The following HFM1 variants were observed in gnomAD, a reference collection of about 807,000 sequenced individuals.
HFM1 encodes probable ATP-dependent DNA helicase HFM1.
Under a neutral mutation model 192.1 loss-of-function variants are expected in HFM1, and 169 were observed. That is an observed-to-expected ratio of 0.88 (90% CI 0.78 to 1.00). HFM1 has a LOEUF of 1.00. HFM1 is among the 50% of genes least tolerant of loss of function. The probability of loss-of-function intolerance (pLI) is 0.00; values close to 1 mark genes in which losing one functional copy is unlikely to be tolerated. For missense variants in HFM1, 1,661 were observed against 1,668.0 expected (o/e 1.00, Z 0.07); for synonymous variants, 525 against 537.8 (o/e 0.98, Z 0.33).
upstream of HFM1, among the ~76,000 whole-genome samples, chr1:91,405,238 T>C (rs61523263): frequency 9.6e-3 from 1,469 of 152,294 alleles, 19 homozygotes; most frequent in African/African-American, 0.033. Context: ...GGGAACTTGA[T>C]TCAGAAATAA....
chr1:91,322,825 A>T (rs148682770), intron 23 of HFM1, 125 bp downstream of exon 23: 108 of 486,394 alleles, frequency 2.2e-4, no homozygotes, highest in African/African-American at 2.0e-3. Flanking sequence ...GAGAGTTGTA[A>T]GAAATTAATT....
chr1:91,366,797 A>G (rs1426396816), intron 13 of HFM1, among the ~76,000 whole-genome samples: 1 of 152,230 alleles, frequency 6.6e-6, no homozygotes, highest in Non-Finnish European at 1.5e-5. Flanking sequence ...CTTGAGCTGA[A>G]GCAGGGCGAG....
intron 26 of HFM1, 102 bp downstream of exon 26, chr1:91,316,289 A>C: frequency 1.0e-6 from 1 of 993,774 alleles, no homozygotes; most frequent in Non-Finnish European, 1.5e-6. Flanking sequence ...ACCCAAAAGT[A>C]AGTTGAAATA....
intron 13 of HFM1, among the ~76,000 whole-genome samples, chr1:91,374,112 T>C (rs1428393618): frequency 6.6e-6 from 1 of 152,104 alleles, no homozygotes; most frequent in African/African-American, 2.4e-5. Context: ...TGAAAACCAT[T>C]CCAGTAAAAG....
At chr1:91,369,687 A>C (rs1659896388) in intron 13 of HFM1, among the ~76,000 whole-genome samples, 1 of 152,206 alleles carries the variant, frequency 6.6e-6, no homozygotes, top group Non-Finnish European at 1.5e-5. Context: ...AGAACTAGGG[A>C]AGCAAGAGCA....
At chr1:91,381,038 T>TA (rs5776097) in intron 6 of HFM1, 56 bp from the exon 7 acceptor site, 803,000 of 803,262 alleles carry the variant, frequency 1, 401,369 homozygotes, top group East Asian at 1. Flanking sequence ...TAGTTACTTT[T>TA]ATTTTAAAAC....
intron 36 of HFM1, 29 bp downstream of exon 36, chr1:91,265,988 A>C: frequency 3.2e-6 from 5 of 1,585,428 alleles, no homozygotes; most frequent in Non-Finnish European, 4.3e-6. Context: ...AAAGTTGCAA[A>C]TATTACAAAC....
chr1:91,313,785 T>C (rs1650820011), intron 29 of HFM1, among the ~76,000 whole-genome samples, 172 bp downstream of exon 29: 1 of 152,072 alleles, frequency 6.6e-6, no homozygotes, highest in South Asian at 2.1e-4. Context: ...CCATGTTATG[T>C]TTTACATATC....
chr1:91,370,972 G>C (rs1408898800), intron 13 of HFM1, among the ~76,000 whole-genome samples: 2 of 151,790 alleles, frequency 1.3e-5, no homozygotes, highest in South Asian at 2.1e-4. Flanking sequence ...GCCAAATCAT[G>C]AGTGAACTCC....
intron 30 of HFM1, among the ~76,000 whole-genome samples, chr1:91,306,976 T>C (rs1333604610): frequency 6.6e-6 from 1 of 152,196 alleles, no homozygotes; most frequent in African/African-American, 2.4e-5. Flanking sequence ...ATTATAAAAT[T>C]GTTAATGTCT....
At chr1:91,315,585 G>A (rs1372725921) in intron 28 of HFM1, among the ~76,000 whole-genome samples, 1 of 152,282 alleles carries the variant, frequency 6.6e-6, no homozygotes, top group Non-Finnish European at 1.5e-5. Context: ...AGATCATGGT[G>A]ATAGATTTTA....
chr1:91,380,806 G>T (rs1661463687), intron 7 of HFM1, 106 bp downstream of exon 7: 4 of 676,924 alleles, frequency 5.9e-6, no homozygotes, highest in Non-Finnish European at 1.1e-5. Flanking sequence ...TAGACATGGA[G>T]TGTGGCAGTG....
intron 30 of HFM1, among the ~76,000 whole-genome samples, chr1:91,281,058 T>A (rs1461963720): frequency 6.6e-6 from 1 of 152,156 alleles, no homozygotes; most frequent in Non-Finnish European, 1.5e-5. Flanking sequence ...CACAATCAGA[T>A]CTGCATTGTG....
At chr1:91,287,384 C>A (rs12129120) in intron 30 of HFM1, among the ~76,000 whole-genome samples, 15,670 of 152,110 alleles carry the variant, frequency 0.1, 903 homozygotes, top group Middle Eastern at 0.17. Context: ...CTGGGAGGCA[C>A]CCCCTAGCAG....
At chr1:91,384,946 T>A (rs1662008980) in intron 6 of HFM1, among the ~76,000 whole-genome samples, 1 of 152,010 alleles carries the variant, frequency 6.6e-6, no homozygotes, top group South Asian at 2.1e-4. Context: ...GGTTTCACCA[T>A]GTTAGTCAGG....
intron 34 of HFM1, among the ~76,000 whole-genome samples, chr1:91,272,587 A>G (rs993021154): frequency 2.0e-5 from 3 of 152,200 alleles, no homozygotes; most frequent in South Asian, 4.2e-4. Flanking sequence ...ATGTAGTAAT[A>G]TAAGGAAGGA....
intron 34 of HFM1, among the ~76,000 whole-genome samples, chr1:91,268,314 T>G (rs1416878904): frequency 6.6e-6 from 1 of 152,012 alleles, no homozygotes; most frequent in Non-Finnish European, 1.5e-5. Context: ...AAGTTAATTT[T>G]CAGTATTGTT....
chr1:91,367,134 C>T (rs890519436), intron 13 of HFM1, among the ~76,000 whole-genome samples: 9 of 152,280 alleles, frequency 5.9e-5, no homozygotes, highest in African/African-American at 2.2e-4. Context: ...TGGAGCGCAC[C>T]GCAGCTCAAG....
rs537040400 is a variant in HFM1, at chr1:91,297,239, G to A, written c.3391+16110C>T. Among the ~76,000 whole-genome samples the A allele has an allele frequency of 5.3e-5, 8 of 152,300 alleles. No homozygotes were observed. In the South Asian group the frequency reaches 6.2e-4, roughly 12 times the overall value. ...CAAACTGCAAGGTGGCAGCGAGTCC[G>A]GGGGAGGGGCACCCGCCATTGCCGA... is the stretch of plus-strand genomic sequence containing the variant. On this transcript the variant is annotated intron_variant, in intron 30 of 38. Transcript: ENST00000370425.
Sources: allele counts gnomAD v4.1 joint callset (sites outside exome capture counted in the v4.1 genomes callset), GRCh38; gene constraint gnomAD v4.1.1; transcripts MANE v1.5; gene names NCBI Gene and HGNC (gene_info 2026-07-23, HGNC 2026-07-21).